The following NCOA3 variants were observed in gnomAD, a reference collection of about 807,000 sequenced individuals.
NCOA3 encodes CBP-interacting protein.
Under a neutral mutation model 158.8 loss-of-function variants are expected in NCOA3, and 51 were observed. That is an observed-to-expected ratio of 0.32 (90% confidence interval 0.26 to 0.41). The LOEUF (loss-of-function observed/expected upper bound fraction) is 0.41. NCOA3 is among the 10% of genes least tolerant of loss of function. NCOA3 has a pLI of 1.00. For synonymous variants in NCOA3, 537 were observed against 592.4 expected (o/e 0.91, Z 1.36); for missense variants, 1,510 against 1,746.6 (o/e 0.86, Z 2.41).
intron 1 of NCOA3, among the ~76,000 whole-genome samples, chr20:47,503,802 T>G (rs1019925372): frequency 6.6e-6 from 1 of 152,200 alleles, no homozygotes; most frequent in Admixed American, 6.6e-5. Flanking sequence ...TAAAATGATA[T>G]TGAACACTAT....
intron 1 of NCOA3, among the ~76,000 whole-genome samples, chr20:47,524,368 C>T (rs750843969): frequency 1.3e-5 from 2 of 152,084 alleles, no homozygotes; most frequent in African/African-American, 2.4e-5. Flanking sequence ...GAAAGTTTGG[C>T]GACAGGGTAG....
intron 1 of NCOA3, among the ~76,000 whole-genome samples, chr20:47,581,608 A>G (rs971337558): frequency 6.6e-6 from 1 of 152,224 alleles, no homozygotes; most frequent in Admixed American, 6.5e-5. Context: ...CATGAAAGCT[A>G]TTAACTTTAG....
intron 2 of NCOA3, among the ~76,000 whole-genome samples, chr20:47,607,929 T>G (rs1238507306): frequency 6.6e-6 from 1 of 152,246 alleles, no homozygotes; most frequent in African/African-American, 2.4e-5. Context: ...TGCAAATATA[T>G]GTTTTTAATT....
rs548686060 is a variant in NCOA3, at chr20:47,562,598, C to G, written c.-98-20585C>G. On this transcript the variant is annotated intron_variant, in intron 1 of 22. Coordinates refer to ENST00000371998, the MANE Select transcript of NCOA3 (RefSeq NM_181659.3). ...GTCAGGAATTGGATTTGGGATCTAGCTTTAAGGAATTAGTTAGGGTTTGGT... is the reference window on the plus strand; with the variant it reads ...GTCAGGAATTGGATTTGGGATCTAGGTTTAAGGAATTAGTTAGGGTTTGGT... Among the ~76,000 whole-genome samples, 3 of 151,402 alleles carry G rather than the reference C, an allele frequency of 2.0e-5. No homozygotes were observed. The South Asian group carries it at 6.2e-4, about 32-fold the overall frequency.
At position 47,522,463 on chromosome 20, in the gene NCOA3, G is replaced by A. The variant is rs899650882; in HGVS notation, c.-99+20444G>A. 3.3e-5 allele frequency among the ~76,000 whole-genome samples: 5 copies of A among 150,038 alleles called. No homozygotes were observed. The East Asian group carries it at 5.8e-4, about 17-fold the overall frequency. On this transcript the variant is annotated intron_variant, in intron 1 of 22. Coordinates refer to ENST00000371998, the MANE Select transcript of NCOA3 (RefSeq NM_181659.3). The stretch of plus-strand genomic sequence containing the variant: ...GAGAGTTTAATAGGCAGAAAGAAAG[G>A]GAGAAGACGGAAGAAGCTCCCCCAT...
intron 1 of NCOA3, among the ~76,000 whole-genome samples, chr20:47,547,138 A>G (rs1342206290): frequency 6.6e-6 from 1 of 152,158 alleles, no homozygotes; most frequent in African/African-American, 2.4e-5. Context: ...CTCCACAAGA[A>G]CAAGAATCCT....
At chr20:47,635,862 T>C (rs930216779) in intron 11 of NCOA3, 29 bp from the exon 12 acceptor site, 1 of 1,566,086 alleles carries the variant, frequency 6.4e-7, no homozygotes, top group Non-Finnish European at 8.6e-7. Flanking sequence ...GTAGTCTAAT[T>C]CTTTTCCTAA....
intron 10 of NCOA3, 92 bp from the exon 11 acceptor site, chr20:47,635,230 G>T: frequency 2.3e-6 from 3 of 1,326,240 alleles, no homozygotes; most frequent in Non-Finnish European, 3.0e-6. Context: ...TAGCTGGCTG[G>T]TTTTTTAAAA....
chr20:47,611,115 A>T (rs2086035556), intron 2 of NCOA3, among the ~76,000 whole-genome samples: 1 of 152,152 alleles, frequency 6.6e-6, no homozygotes, highest in Non-Finnish European at 1.5e-5. Context: ...TTTAACATTT[A>T]CTTCTCAATA....
intron 1 of NCOA3, among the ~76,000 whole-genome samples, chr20:47,574,755 C>G (rs1173687016): frequency 2.0e-5 from 3 of 152,104 alleles, no homozygotes; most frequent in Non-Finnish European, 2.9e-5. Context: ...AAGTACAGGT[C>G]ATGCTTAGCA....
intron 16 of NCOA3, among the ~76,000 whole-genome samples, chr20:47,640,717 T>TA (rs1239786327): frequency 0.035 from 3,788 of 107,874 alleles, 68 homozygotes; most frequent in Middle Eastern, 0.068. Flanking sequence ...CTGTCTCTAC[T>TA]AAAAAAAAAA....
chr20:47,635,716 A>G lies in NCOA3; in HGVS notation c.1504+3A>G. On this transcript the variant is annotated splice_donor_region_variant and intron_variant, in intron 11 of 22. Transcript: ENST00000371998. ...ACATCAGTTTTCTCCTGTTGCAGGT[A>G]TTTGTGTTGACATTTCCTTTTATTT... 1.2e-6 allele frequency: 2 copies of G among 1,606,636 alleles called. No homozygotes were observed. The highest frequency in any genetic ancestry group is 1.7e-6 in the Non-Finnish European group (2 of 1,176,648).
rs978053774 is a variant in NCOA3, at chr20:47,656,124, A to C, written c.*2707A>C. 1 of 130,370 alleles carries C rather than the reference A, an allele frequency of 7.7e-6. No homozygotes were observed. The highest frequency in any genetic ancestry group is 1.6e-5 in the Non-Finnish European group (1 of 61,168). 8.1% of individuals were successfully genotyped at this position (130,370 alleles called of 1,614,324 possible). On this transcript the variant is annotated 3_prime_UTR_variant, in exon 23 of 23. Coordinates refer to ENST00000371998, the MANE Select transcript of NCOA3 (RefSeq NM_181659.3). ...AGAATGTGGGATATTTCCAGTACCT[A>C]CTTTTTTTTTTTTTTTTTGCTGAAT...
At chr20:47,582,673 T>C (rs974795303) in intron 1 of NCOA3, among the ~76,000 whole-genome samples, 1 of 152,166 alleles carries the variant, frequency 6.6e-6, no homozygotes, top group Non-Finnish European at 1.5e-5. Flanking sequence ...GGCCCTATGC[T>C]TGACTTTTCA....
intron 1 of NCOA3, among the ~76,000 whole-genome samples, chr20:47,552,777 T>A (rs1475057235): frequency 6.6e-6 from 1 of 152,196 alleles, no homozygotes; most frequent in African/African-American, 2.4e-5. Context: ...TAGCCTATAT[T>A]TCATCTGGGT....
intron 1 of NCOA3, among the ~76,000 whole-genome samples, chr20:47,565,497 G>A (rs571044806): frequency 1.3e-5 from 2 of 152,156 alleles, no homozygotes; most frequent in Non-Finnish European, 2.9e-5. Context: ...GGCAGATCGC[G>A]TGAGCCCAGG....
intron 1 of NCOA3, among the ~76,000 whole-genome samples, chr20:47,526,939 A>T (rs2084465122): frequency 6.6e-6 from 1 of 152,190 alleles, no homozygotes; most frequent in African/African-American, 2.4e-5. Context: ...CACCACATCC[A>T]GCCAGTTCCA....
At chr20:47,594,163 A>G (rs914064116) in intron 2 of NCOA3, among the ~76,000 whole-genome samples, 2 of 152,228 alleles carry the variant, frequency 1.3e-5, no homozygotes, top group Non-Finnish European at 2.9e-5. Flanking sequence ...ACATGTTGCC[A>G]GATGGGAACT....
chr20:47,515,581 T>A (rs1402577685), intron 1 of NCOA3, among the ~76,000 whole-genome samples: 1 of 151,216 alleles, frequency 6.6e-6, no homozygotes, highest in Non-Finnish European at 1.5e-5. Flanking sequence ...GCCTTCTGGG[T>A]TTAAGCGATT....
Sources: allele counts gnomAD v4.1 joint callset (sites outside exome capture counted in the v4.1 genomes callset), GRCh38; gene constraint gnomAD v4.1.1; transcripts MANE v1.5; gene names NCBI Gene and HGNC (gene_info 2026-07-23, HGNC 2026-07-21).